TRAF3IP1: variants seen among roughly 807,000 people sequenced by gnomAD.
The protein encoded by TRAF3IP1 is TRAF3-interacting protein 1.
A neutral mutation model predicts 89.9 loss-of-function variants in TRAF3IP1; 53 were observed. The observed-to-expected ratio is 0.59, with a 90% CI of 0.47 to 0.74. TRAF3IP1 has a LOEUF of 0.74. Among genes scored for constraint, TRAF3IP1 ranks in the 30% least tolerant of loss-of-function variants. TRAF3IP1 has a pLI of 0.00. For synonymous variants in TRAF3IP1, 311 were observed against 322.1 expected (o/e 0.97, Z 0.37); for missense variants, 806 against 866.1 (o/e 0.93, Z 0.87).
At chr2:238,355,934 C>A in intron 14 of TRAF3IP1, 70 bp from the exon 15 acceptor site, 1 of 1,099,490 alleles carries the variant, frequency 9.1e-7, no homozygotes, top group Non-Finnish European at 1.4e-6. Context: ...TCCCACCATC[C>A]CACCCATTTA....
At chr2:238,329,470 C>G (rs1698015429) in intron 5 of TRAF3IP1, 128 bp downstream of exon 5, 1 of 855,350 alleles carries the variant, frequency 1.2e-6, no homozygotes, top group Non-Finnish European at 1.6e-6. Context: ...AAAATGATGA[C>G]AATCTTGGAT....
At chr2:238,368,967 C>T (rs948435799) in intron 15 of TRAF3IP1, among the ~76,000 whole-genome samples, 2 of 152,172 alleles carry the variant, frequency 1.3e-5, no homozygotes, top group African/African-American at 2.4e-5. Flanking sequence ...GCCACTGCGC[C>T]TGGCCATTGA....
At chr2:238,358,665 C>G (rs1191912401) in intron 15 of TRAF3IP1, among the ~76,000 whole-genome samples, 10 of 152,176 alleles carry the variant, frequency 6.6e-5, no homozygotes, top group Non-Finnish European at 2.9e-5. Context: ...TTTTGAGTTT[C>G]TAATGTCACC....
intron 5 of TRAF3IP1, among the ~76,000 whole-genome samples, chr2:238,330,549 G>T (rs1368519087): frequency 6.6e-6 from 1 of 152,242 alleles, no homozygotes; most frequent in African/African-American, 2.4e-5. Context: ...GGGCAGTGAG[G>T]GGCAGGGCCT....
chr2:238,340,435 C>A (rs755964861), intron 8 of TRAF3IP1, among the ~76,000 whole-genome samples: 2 of 152,122 alleles, frequency 1.3e-5, no homozygotes, highest in Non-Finnish European at 2.9e-5. Flanking sequence ...TGCCCATAGC[C>A]TGGGTCATCA....
At chr2:238,354,715 A>T (rs1470268081) in intron 14 of TRAF3IP1, among the ~76,000 whole-genome samples, 1 of 151,950 alleles carries the variant, frequency 6.6e-6, no homozygotes, top group African/African-American at 2.4e-5. Context: ...CAGTGGCGCG[A>T]TCTTGGCTCA....
intron 5 of TRAF3IP1, among the ~76,000 whole-genome samples, chr2:238,331,779 G>A (rs1359711698): frequency 2.6e-5 from 4 of 152,152 alleles, no homozygotes; most frequent in African/African-American, 4.8e-5. Context: ...GCTGTGAGGC[G>A]CCTCCCGAGG....
At chr2:238,369,904 G>T (rs1014288130) in intron 15 of TRAF3IP1, among the ~76,000 whole-genome samples, 2 of 152,108 alleles carry the variant, frequency 1.3e-5, no homozygotes, top group African/African-American at 4.8e-5. Context: ...ATTTTCATGC[G>T]CAGATGGCCT....
chr2:238,390,330 G>T (rs1048656300), intron 15 of TRAF3IP1, among the ~76,000 whole-genome samples: 3 of 152,198 alleles, frequency 2.0e-5, no homozygotes, highest in African/African-American at 7.2e-5. Context: ...GCGGAGAAAA[G>T]AGCTTTGAGA....
chr2:238,323,135 G>A (rs1697644924), intron 1 of TRAF3IP1, among the ~76,000 whole-genome samples: 1 of 150,788 alleles, frequency 6.6e-6, no homozygotes, highest in African/African-American at 2.4e-5. Flanking sequence ...CTGGAGTGCA[G>A]TGACACAGTC....
intron 15 of TRAF3IP1, among the ~76,000 whole-genome samples, chr2:238,394,580 C>T (rs1701131185): frequency 6.6e-6 from 1 of 152,074 alleles, no homozygotes; most frequent in African/African-American, 2.4e-5. Context: ...TTGCAGTGTC[C>T]ATGTTTTCAT....
In TRAF3IP1 at chr2:238,344,512, A is replaced by G. The variant is rs773179499; in HGVS notation, c.1175A>G (p.Asn392Ser). 6.8e-6 allele frequency: 11 copies of G among 1,614,124 alleles called. No individual in the cohort carries two copies. Among genetic ancestry groups the G allele is most frequent in the Non-Finnish European group, 9.3e-6 (11 of 1,179,948 alleles). The change falls in exon 9 of 17, where the codon AAT becomes AGT. Residue 392 changes from asparagine (N) to serine (S), a missense_variant. Coordinates refer to ENST00000373327, the MANE Select transcript of TRAF3IP1 (RefSeq NM_015650.4). The stretch of plus-strand genomic sequence containing the variant: ...TTTATGTCAGGAACAAAAGAAGCTA[A>G]TATTAACTCAACTAGTATTTCAGAT... ...TTSEIGTKEA[N>S]INSTSISDDN...
chr2:238,384,032 T>C (rs572311427), intron 15 of TRAF3IP1, among the ~76,000 whole-genome samples: 107 of 152,318 alleles, frequency 7.0e-4, no homozygotes, highest in African/African-American at 2.5e-3. Context: ...TTTTGTCCAC[T>C]GGCTTGTTCT....
intron 15 of TRAF3IP1, among the ~76,000 whole-genome samples, chr2:238,358,331 G>A (rs1017439890): frequency 3.0e-4 from 45 of 152,120 alleles, no homozygotes; most frequent in African/African-American, 1.0e-3. Context: ...GAGGCTATGA[G>A]TTTGAGATCA....
chr2:238,337,884 A>T (rs1321328179), intron 7 of TRAF3IP1, among the ~76,000 whole-genome samples: 2 of 152,168 alleles, frequency 1.3e-5, no homozygotes, highest in Non-Finnish European at 2.9e-5. Context: ...CGACAGCTGG[A>T]TATATTGACT....
chr2:238,383,874 G>T (rs1700647953), intron 15 of TRAF3IP1, among the ~76,000 whole-genome samples: 1 of 152,120 alleles, frequency 6.6e-6, no homozygotes, highest in African/African-American at 2.4e-5. Context: ...AATTTAGTCC[G>T]TTTACACTTA....
At chr2:238,340,177 G>A (rs1465903461) in intron 8 of TRAF3IP1, among the ~76,000 whole-genome samples, 1 of 152,166 alleles carries the variant, frequency 6.6e-6, no homozygotes, top group African/African-American at 2.4e-5. Flanking sequence ...GCCACAGCGC[G>A]GACCTGGGGT....
chr2:238,334,047 CTT>C lies in TRAF3IP1; in HGVS notation c.1063+13_1063+14del. 1 of 1,588,562 alleles carries C rather than the reference CTT, an allele frequency of 6.3e-7. No individual in the cohort carries two copies. The highest frequency in any genetic ancestry group is 1.1e-5 in the South Asian group (1 of 88,062). ...AAATTCAGTGGAAGGTACTGCAAAACTTATATATGTAGCTGAAAATATGGATA... is the reference window on the plus strand; with the variant it reads ...AAATTCAGTGGAAGGTACTGCAAAACATATATGTAGCTGAAAATATGGATA... On this transcript the variant is annotated intron_variant, in intron 7 of 16. Coordinates refer to ENST00000373327, the MANE Select transcript of TRAF3IP1 (RefSeq NM_015650.4).
chr2:238,346,208 C>G (rs926161955), intron 9 of TRAF3IP1, among the ~76,000 whole-genome samples: 1 of 152,178 alleles, frequency 6.6e-6, no homozygotes, highest in Non-Finnish European at 1.5e-5. Flanking sequence ...GCCACCTGCT[C>G]TTGGTCCCCA....
Sources: allele counts gnomAD v4.1 joint callset (sites outside exome capture counted in the v4.1 genomes callset), GRCh38; gene constraint gnomAD v4.1.1; transcripts MANE v1.5; gene names NCBI Gene and HGNC (gene_info 2026-07-23, HGNC 2026-07-21).